Variants in THBS1 observed in about 807,000 individuals in gnomAD.
THBS1 encodes thrombospondin 1.
In THBS1, 29 loss-of-function variants were observed where a neutral mutation model predicts 126.1. The ratio of observed to expected loss-of-function variants is 0.23; its 90% CI spans 0.17 to 0.31. The LOEUF is 0.31. Ranked by LOEUF, THBS1 falls within the 10% of genes least tolerant of loss-of-function variation. The probability of loss-of-function intolerance (pLI) is 1.00; values close to 1 mark genes in which losing one functional copy is unlikely to be tolerated. For missense variants in THBS1, 1,198 were observed against 1,545.2 expected (o/e 0.78, Z 3.77); for synonymous variants, 496 against 577.8 (o/e 0.86, Z 2.03).
rs751182324 is a variant in THBS1, at chr15:39,584,436, A to G, written c.1026+14A>G. On this transcript the variant is annotated intron_variant, in intron 6 of 21. Coordinates refer to ENST00000260356, the MANE Select transcript of THBS1 (RefSeq NM_003246.4). ...TGTCACTGTCAGGTAAGGGACCTTC[A>G]CCAGCCAGAATAAGAATCGACGGCT... The G allele has an allele frequency of 1.2e-6, 2 of 1,613,824 alleles. No individual in the cohort carries two copies. The highest frequency in any genetic ancestry group is 4.5e-5 in the East Asian group (2 of 44,892).
chr15:39,590,435 A>C, intron 13 of THBS1, 81 bp from the exon 14 acceptor site: 1 of 1,100,380 alleles, frequency 9.1e-7, no homozygotes, highest in Admixed American at 2.7e-5. Flanking sequence ...TTCTATTTGG[A>C]ATTCCAGGTA....
chr15:39,589,062 C>T lies in THBS1; in HGVS notation c.1749C>T (p.Gly583=), dbSNP rs2140347466. ...GACPPGYSGN[G]IQCTDVDECK... is the part of the protein sequence containing the mutation. ...GTCCCCCTGGTTACAGTGGAAATGG[C>T]ATCCAGTGCACAGATGTTGATGAGG... The change falls in exon 11 of 22, where the codon GGC becomes GGT. Residue 583 remains glycine, a synonymous_variant. Coordinates refer to ENST00000260356, the MANE Select transcript of THBS1 (RefSeq NM_003246.4). This position sits in a 1 kb window ranked among gnomAD's most constrained non-coding sequence, Gnocchi z 4.7. 6.2e-7 allele frequency: 1 copy of T among 1,614,164 alleles called. No homozygotes were observed.
chr15:39,587,561 G>A, intron 8 of THBS1, 41 bp downstream of exon 8: 1 of 1,559,974 alleles, frequency 6.4e-7, no homozygotes, highest in Non-Finnish European at 8.7e-7. Flanking sequence ...GAACTGACCT[G>A]TCCTTGTTGT....
rs373505143 is a variant in THBS1 at position 39,588,209 on chromosome 15, G to A, written c.1462G>A (p.Ala488Thr). 1.1e-4 allele frequency: 185 copies of A among 1,613,248 alleles called. No individual in the cohort carries two copies. The highest frequency in any genetic ancestry group is 1.5e-4 in the Non-Finnish European group (174 of 1,179,930). ...ARETKACKKDACPINGGWGPW... is the reference protein window; with the variant it reads ...ARETKACKKDTCPINGGWGPW... ...GGAGACCAAAGCCTGCAAGAAAGAC[G>A]CCTGCCCCAGTAAGTGTGAGGTCCG... Residue 488 changes from alanine (A) to threonine (T), a missense_variant, in exon 9 of 22, where the codon GCC becomes ACC. By Grantham distance (58) the Ala-to-Thr change is moderately conservative. Around this residue, in one of 4 missense-constraint regions of THBS1, gnomAD observed 663 missense variants for 860.1 expected, o/e 0.77. Coordinates refer to ENST00000260356, the MANE Select transcript of THBS1 (RefSeq NM_003246.4).
At chr15:39,581,778 C>A in intron 1 of THBS1, 51 bp from the exon 2 acceptor site, 1 of 1,278,524 alleles carries the variant, frequency 7.8e-7, no homozygotes. Context: ...CGCACCGTCC[C>A]TCCCTGCCTA....
Position 39,596,598 on chromosome 15 carries a change from T to C in THBS1, c.*1229T>C, listed in dbSNP as rs1271859025. On this transcript the variant is annotated 3_prime_UTR_variant, in exon 22 of 22. Transcript: ENST00000260356. ...AGTAGTTGACATTTATCAGCAAATC[T>C]CTTGCAAGAACAGCACAAGGAAAAT... 2 of 152,236 alleles carry C rather than the reference T, an allele frequency of 1.3e-5. No homozygotes were observed. The highest frequency in any genetic ancestry group is 4.8e-5 in the African/African-American group (2 of 41,456). 9.4% of individuals were successfully genotyped at this position (152,236 alleles called of 1,614,324 possible).
chr15:39,592,700 G>A lies in THBS1; in HGVS notation c.2665G>A (p.Gly889Ser). 1 of 1,614,188 alleles carries A rather than the reference G, an allele frequency of 6.2e-7. No homozygotes were observed. The highest frequency in any genetic ancestry group is 8.5e-7 in the Non-Finnish European group (1 of 1,180,026). Residue 889 changes from glycine to serine, a missense_variant, in exon 17 of 22, where the codon GGC becomes AGC. Gly to Ser is a moderately conservative substitution (Grantham distance 56, BLOSUM62 0). Coordinates refer to ENST00000260356, the MANE Select transcript of THBS1 (RefSeq NM_003246.4). This position sits in a 1 kb window ranked among gnomAD's most constrained non-coding sequence, Gnocchi z 4.3. ...NANQADHDKDGKGDACDHDDD... is the reference protein window; with the variant it reads ...NANQADHDKDSKGDACDHDDD... ...CAACCAGGCTGACCATGACAAAGATGGCAAGGGAGATGCCTGTGACCACGA... is the reference window on the plus strand; with the variant it reads ...CAACCAGGCTGACCATGACAAAGATAGCAAGGGAGATGCCTGTGACCACGA...
At position 39,593,065 on chromosome 15, in the gene THBS1, A is replaced by T. The variant is rs1016250399; in HGVS notation, c.2833A>T (p.Ile945Phe). Reference protein sequence around the residue: ...DHDSVPDIDDICPENVDISET... With the variant: ...DHDSVPDIDDFCPENVDISET... ...TGACAGTGTGCCAGACATCGATGAC[A>T]TCTGTCCTGAGAATGTTGACATCAG... is the stretch of plus-strand genomic sequence containing the variant. Residue 945 changes from isoleucine to phenylalanine, a missense_variant, in exon 18 of 22, where the codon ATC becomes TTC. Ile to Phe is a conservative substitution (Grantham distance 21). Transcript: ENST00000260356. This position sits in a 1 kb window ranked among gnomAD's most constrained non-coding sequence, Gnocchi z 5.9. The T allele has an allele frequency of 3.1e-6, 5 of 1,606,736 alleles. No individual in the cohort carries two copies. The highest frequency in any genetic ancestry group is 4.2e-6 in the Non-Finnish European group (5 of 1,176,612).
chr15:39,588,938 G>C (rs1011400916), intron 10 of THBS1, 21 bp from the exon 11 acceptor site: 18 of 1,614,020 alleles, frequency 1.1e-5, no homozygotes, highest in East Asian at 8.9e-5. Flanking sequence ...TACTGTGACT[G>C]TCTCTCTCTC....
At chr15:39,581,654 C>A (rs534714843) in intron 1 of THBS1, 175 bp from the exon 2 acceptor site, 4 of 489,344 alleles carry the variant, frequency 8.2e-6, no homozygotes, top group Admixed American at 3.2e-5. Flanking sequence ...CTCTCTCTCT[C>A]TCTCTCTCTC....
At chr15:39,587,008 C>G (rs571846088) in intron 7 of THBS1, 17 of 179,378 alleles carry the variant, frequency 9.5e-5, no homozygotes, top group African/African-American at 4.0e-4. Context: ...CTAGAGAGCT[C>G]ATGTACACCA....
rs1890367277 is a variant in THBS1 at position 39,593,337 on chromosome 15, C to T, written c.2996-60C>T. ...TGTGGGTGCTGAGGATGTCTAGGAA[C>T]ATGATGGAGAACCTTCTGAAGGCTG... On this transcript the variant is annotated intron_variant, in intron 18 of 21. Transcript: ENST00000260356. The surrounding 1 kb of genome is among the most constrained non-coding windows in gnomAD (Gnocchi z 5.9). The T allele has an allele frequency of 4.3e-6, 7 of 1,612,728 alleles. No individual in the cohort carries two copies. Among genetic ancestry groups the T allele is most frequent in the Non-Finnish European group, 5.1e-6 (6 of 1,179,226 alleles).
In THBS1 at chr15:39,591,157, A is replaced by G. The variant is rs749832864; in HGVS notation, c.2254-34A>G. The G allele has an allele frequency of 2.5e-6, 4 of 1,605,236 alleles. No individual in the cohort carries two copies. The South Asian group carries it at 4.5e-5, about 18-fold the overall frequency. Reference sequence around the variant, plus strand: ...GAGGCTTGAGCTGTTTTCAAGGACAACATTGTTAAGTGCTCCATTTCTTCT... The same window carrying G: ...GAGGCTTGAGCTGTTTTCAAGGACAGCATTGTTAAGTGCTCCATTTCTTCT... On this transcript the variant is annotated intron_variant, in intron 14 of 21. Transcript: ENST00000260356.
chr15:39,593,179 G>A lies in THBS1; in HGVS notation c.2947G>A (p.Gly983Ser). ...NDPNWVVRHQ[G>S]KELVQTVNCD... ...CCCTAACTGGGTTGTACGCCATCAG[G>A]GTAAAGAACTCGTCCAGACTGTCAA... is the stretch of plus-strand genomic sequence containing the variant. The change falls in exon 18 of 22, where the codon GGT becomes AGT. Residue 983 changes from glycine to serine, a missense_variant. Around this residue, in one of 4 missense-constraint regions of THBS1, gnomAD observed 255 missense variants for 373.9 expected, o/e 0.68. Transcript: ENST00000260356. The surrounding 1 kb of genome is among the most constrained non-coding windows in gnomAD (Gnocchi z 5.9). 6.2e-7 allele frequency: 1 copy of A among 1,612,852 alleles called. No homozygotes were observed. The highest frequency in any genetic ancestry group is 8.5e-7 in the Non-Finnish European group (1 of 1,179,514).
In THBS1 at chr15:39,582,759, C is replaced by T; in HGVS notation, c.627+7C>T. The T allele has an allele frequency of 1.9e-6, 3 of 1,598,972 alleles. 1 individual carries two copies. The highest frequency in any genetic ancestry group is 2.3e-5 in the South Asian group (2 of 88,106). On this transcript the variant is annotated splice_region_variant and intron_variant, in intron 3 of 21. Transcript: ENST00000260356. The stretch of plus-strand genomic sequence containing the variant: ...CGTCAATGACAATTTCCAGGTGAGG[C>T]TTCTTCTCTGAGCCCTGCTCCGTGG...
rs1890397076 is a variant in THBS1, at chr15:39,594,611, C to T, written c.3505+171C>T. Among the ~76,000 whole-genome samples the T allele has an allele frequency of 6.6e-6, 1 of 152,218 alleles. No individual in the cohort carries two copies. Among genetic ancestry groups the T allele is most frequent in the Admixed American group, 6.5e-5 (1 of 15,284 alleles). ...ATGGAATAATGCCTAGGCACTGTGG[C>T]TTATGAGTTCCTGAGTCCTTAGCTA... On this transcript the variant is annotated intron_variant, in intron 21 of 21. Transcript: ENST00000260356. The surrounding 1 kb of genome is among the most constrained non-coding windows in gnomAD (Gnocchi z 4.4).
rs1252617087 is a variant in THBS1, at chr15:39,598,620, C to T, written c.*3251C>T. The T allele has an allele frequency of 6.6e-6, 1 of 152,172 alleles. No homozygotes were observed. Among genetic ancestry groups the T allele is most frequent in the Non-Finnish European group, 1.5e-5 (1 of 68,030 alleles). The allele number at this position is 152,172 out of a possible 1,614,324, so 9.4% of individuals were successfully genotyped here. A position where few individuals can be genotyped will look rare whatever the true frequency, so the allele number is the denominator to read the frequency against. On this transcript the variant is annotated 3_prime_UTR_variant, in exon 22 of 22. Transcript: ENST00000260356. ...AGGAGCTTTTCTTCCAGGCATGTTCCAGTTTCACCCTAAGACTGACCTTCA... is the reference window on the plus strand; with the variant it reads ...AGGAGCTTTTCTTCCAGGCATGTTCTAGTTTCACCCTAAGACTGACCTTCA...
intron 3 of THBS1, 87 bp downstream of exon 3, chr15:39,582,839 A>T: frequency 7.2e-7 from 1 of 1,398,582 alleles, no homozygotes; most frequent in Non-Finnish European, 9.6e-7. Context: ...TCCTGTCTGT[A>T]AACTAACGCA....
chr15:39,581,905 T>G lies in THBS1; in HGVS notation c.48T>G (p.Cys16Trp). ...GCGTCCTGTTCCTGATGCATGTGTG[T>G]GGCACCAACCGCATTCCAGGTGAGT... ...GLGVLFLMHV[C>W]GTNRIPESGG... Residue 16 changes from cysteine to tryptophan, a missense_variant, in exon 2 of 22, where the codon TGT becomes TGG. Physicochemically the swap from Cys to Trp is radical, Grantham distance 215. This residue lies in a region of THBS1 where 271 missense variants were observed against 277.0 expected (regional missense o/e 0.98). Coordinates refer to ENST00000260356, the MANE Select transcript of THBS1 (RefSeq NM_003246.4). 3 of 1,614,124 alleles carry G rather than the reference T, an allele frequency of 1.9e-6. No homozygotes were observed. The highest frequency in any genetic ancestry group is 2.5e-6 in the Non-Finnish European group (3 of 1,180,008).
Sources: allele counts gnomAD v4.1 joint callset (sites outside exome capture counted in the v4.1 genomes callset), GRCh38; gene constraint gnomAD v4.1.1; regional missense constraint gnomAD v4.1.1; non-coding constraint Gnocchi (gnomAD v3.1); transcripts MANE v1.5; gene names NCBI Gene and HGNC (gene_info 2026-07-23, HGNC 2026-07-21).